The following KLHL1 variants were observed in gnomAD, a reference collection of about 807,000 sequenced individuals.
KLHL1 encodes the protein kelch-like protein 1.
In KLHL1, 47 loss-of-function variants were observed where a neutral mutation model predicts 77.7. That is an observed-to-expected ratio of 0.60 (90% CI 0.48 to 0.77). The LOEUF (loss-of-function observed/expected upper bound fraction) is 0.77, where lower values mean the gene tolerates loss of function less well. KLHL1 is among the 30% of genes least tolerant of loss of function. The pLI is 0.00. For synonymous variants in KLHL1, 360 were observed against 325.2 expected, an observed-to-expected ratio of 1.11 and a Z score of -1.15; for missense variants, 925 against 910.8, an observed-to-expected ratio of 1.02 and a Z score of -0.20.
chr13:70,100,480 C>T (rs8000050), intron 1 of KLHL1, among the ~76,000 whole-genome samples: 16,077 of 151,980 alleles, frequency 0.11, 1,203 homozygotes, highest in East Asian at 0.32. Context: ...ACAGATATGA[C>T]AAACTTGTAT....
At chr13:70,061,095 G>A (rs1886870035) in intron 1 of KLHL1, among the ~76,000 whole-genome samples, 1 of 151,976 alleles carries the variant, frequency 6.6e-6, no homozygotes, top group African/African-American at 2.4e-5. Context: ...ACTGGGGGAG[G>A]GAGAAGTGAG....
chr13:69,812,609 A>C (rs1202665243), intron 6 of KLHL1, among the ~76,000 whole-genome samples: 1 of 152,094 alleles, frequency 6.6e-6, no homozygotes, highest in African/African-American at 2.4e-5. Context: ...TCTACAATGA[A>C]CTCAAATTTA....
chr13:70,082,672 C>T (rs532649891), intron 1 of KLHL1, among the ~76,000 whole-genome samples: 8 of 152,144 alleles, frequency 5.3e-5, no homozygotes, highest in Non-Finnish European at 7.4e-5. Context: ...GGGCATATTA[C>T]GTGATGCTGA....
intron 1 of KLHL1, among the ~76,000 whole-genome samples, chr13:70,060,557 T>C (rs1230208095): frequency 2.7e-5 from 4 of 150,442 alleles, no homozygotes; most frequent in African/African-American, 7.3e-5. Flanking sequence ...AAATGTGGTA[T>C]ATATAGGCCA....
At chr13:69,793,615 A>C (rs1298597861) in intron 7 of KLHL1, among the ~76,000 whole-genome samples, 1 of 152,044 alleles carries the variant, frequency 6.6e-6, no homozygotes, top group African/African-American at 2.4e-5. Context: ...TTTCACTTGA[A>C]TGTATAATAT....
At chr13:70,009,644 A>G (rs1885483796) in intron 1 of KLHL1, among the ~76,000 whole-genome samples, 1 of 152,176 alleles carries the variant, frequency 6.6e-6, no homozygotes, top group Admixed American at 6.6e-5. Context: ...CTTAAAGGAT[A>G]TGTAAATGTG....
chr13:69,719,222 G>T (rs1366770366), intron 9 of KLHL1, 147 bp downstream of exon 9: 1 of 610,932 alleles, frequency 1.6e-6, no homozygotes, highest in Admixed American at 3.0e-5. Flanking sequence ...GAGAGAGAGA[G>T]AGAGAGAGAG....
intron 7 of KLHL1, among the ~76,000 whole-genome samples, chr13:69,766,434 T>A (rs1772769395): frequency 6.6e-6 from 1 of 151,106 alleles, no homozygotes; most frequent in Admixed American, 6.6e-5. Flanking sequence ...ATTTTTGAAC[T>A]TCCAATTTTT....
intron 1 of KLHL1, among the ~76,000 whole-genome samples, chr13:70,013,302 G>A (rs923477094): frequency 6.6e-6 from 1 of 152,172 alleles, no homozygotes; most frequent in Non-Finnish European, 1.5e-5. Flanking sequence ...CAAAGGGAAT[G>A]CAGAGAACCC....
At chr13:70,062,136 C>T (rs938342904) in intron 1 of KLHL1, among the ~76,000 whole-genome samples, 1 of 152,090 alleles carries the variant, frequency 6.6e-6, no homozygotes, top group Non-Finnish European at 1.5e-5. Flanking sequence ...TATCTGATTC[C>T]AGCTACTACA....
At chr13:69,959,867 G>A (rs1286655269) in intron 3 of KLHL1, among the ~76,000 whole-genome samples, 1 of 151,900 alleles carries the variant, frequency 6.6e-6, no homozygotes, top group East Asian at 1.9e-4. Context: ...AGATTGGCCT[G>A]TGCTCTCCCT....
intron 7 of KLHL1, among the ~76,000 whole-genome samples, chr13:69,769,166 C>T (rs1875446802): frequency 6.6e-6 from 1 of 152,148 alleles, no homozygotes; most frequent in Non-Finnish European, 1.5e-5. Context: ...TCAAGGAAGA[C>T]TTTAGCAAGG....
intron 1 of KLHL1, among the ~76,000 whole-genome samples, chr13:70,044,085 T>C (rs893705448): frequency 2.0e-5 from 3 of 152,184 alleles, no homozygotes; most frequent in African/African-American, 4.8e-5. Flanking sequence ...AATAACATCA[T>C]AATTTGTTAT....
chr13:69,707,607 T>G lies in KLHL1; in HGVS notation c.2187+18A>C, dbSNP rs745532832. On this transcript the variant is annotated intron_variant, in intron 10 of 10. Transcript: ENST00000377844. ...AAATTCTTATCCTTGAAGTGAATTATGCTGATGACAATCTTACCTGTGTCC... is the reference window on the plus strand; with the variant it reads ...AAATTCTTATCCTTGAAGTGAATTAGGCTGATGACAATCTTACCTGTGTCC... The G allele has an allele frequency of 6.2e-7, 1 of 1,604,100 alleles. No homozygotes were observed. Among genetic ancestry groups the G allele is most frequent in the Non-Finnish European group, 8.5e-7 (1 of 1,173,272 alleles).
At chr13:69,988,857 G>T (rs1884946709) in intron 1 of KLHL1, among the ~76,000 whole-genome samples, 1 of 151,858 alleles carries the variant, frequency 6.6e-6, no homozygotes, top group East Asian at 1.9e-4. Flanking sequence ...GGATATTAGA[G>T]CTTTTGTCCT....
chr13:69,995,524 G>A (rs1018821544), intron 1 of KLHL1, among the ~76,000 whole-genome samples: 4 of 152,034 alleles, frequency 2.6e-5, no homozygotes, highest in Admixed American at 6.6e-5. Flanking sequence ...CTGATTATAA[G>A]GCTGGATTCT....
At position 69,943,464 on chromosome 13, in the gene KLHL1, G is replaced by A. The variant is rs369901424; in HGVS notation, c.818-3228C>T. 2.6e-5 allele frequency among the ~76,000 whole-genome samples: 4 copies of A among 152,010 alleles called. No homozygotes were observed. The East Asian group carries it at 7.7e-4, about 29-fold the overall frequency. ...TGCAGAAAACAGGTTGGAAAATACAGTGATTAGAGTAATATGAAAATATGT... is the reference window on the plus strand; with the variant it reads ...TGCAGAAAACAGGTTGGAAAATACAATGATTAGAGTAATATGAAAATATGT... On this transcript the variant is annotated intron_variant, in intron 3 of 10. Transcript: ENST00000377844.
intron 7 of KLHL1, among the ~76,000 whole-genome samples, chr13:69,752,509 T>C (rs1874530109): frequency 6.6e-6 from 1 of 152,162 alleles, no homozygotes; most frequent in Non-Finnish European, 1.5e-5. Context: ...AAGTGCAATG[T>C]TATAACATGA....
chr13:70,018,137 C>T (rs914479852), intron 1 of KLHL1, among the ~76,000 whole-genome samples: 5 of 151,990 alleles, frequency 3.3e-5, no homozygotes, highest in Admixed American at 1.3e-4. Context: ...GAATAACTTA[C>T]GGGAAGCTAA....
Sources: gnomAD v4.1 joint callset for allele counts (sites outside exome capture counted in the v4.1 genomes callset) on GRCh38, gnomAD v4.1.1 for gene constraint, MANE v1.5 for transcripts, NCBI Gene and HGNC (gene_info 2026-07-23, HGNC 2026-07-21) for gene names.